SAMSN1: variants seen among roughly 807,000 people sequenced by gnomAD.
The protein encoded by SAMSN1 is SAM domain, SH3 domain and nuclear localization signals 1, also known as SAM domain-containing protein SAMSN-1.
SAMSN1 carries 31 observed loss-of-function variants against 42.0 expected under a neutral mutation model. The ratio of observed to expected loss-of-function variants is 0.74; its 90% confidence interval spans 0.55 to 1.00. The LOEUF is 1.00. Among genes scored for constraint, SAMSN1 ranks in the 50% least tolerant of loss-of-function variants. SAMSN1 has a pLI of 0.00. For synonymous variants in SAMSN1, 178 were observed against 151.9 expected (o/e 1.17, Z -1.26); for missense variants, 464 against 439.4 (o/e 1.06, Z -0.50).
At chr21:14,541,043 A>G (rs1979987139) in intron 1 of SAMSN1, among the ~76,000 whole-genome samples, 1 of 150,490 alleles carries the variant, frequency 6.6e-6, no homozygotes, top group Admixed American at 6.7e-5. Flanking sequence ...GGAAAACCAA[A>G]CACCGCATGT....
chr21:14,547,685 C>T (rs1416860830), upstream of SAMSN1, among the ~76,000 whole-genome samples: 2 of 151,994 alleles, frequency 1.3e-5, no homozygotes, highest in Non-Finnish European at 2.9e-5. Flanking sequence ...CTAAGCTCCA[C>T]CCCAAGGCCC....
chr21:14,594,136 A>G, intron 6 of SAMSN1: 1 of 635,324 alleles, frequency 1.6e-6, no homozygotes, highest in Non-Finnish European at 2.9e-6. Context: ...TAAAAAACAA[A>G]ACAAAAAAAC....
upstream of SAMSN1, among the ~76,000 whole-genome samples, chr21:14,587,974 C>T (rs1295894331): frequency 5.5e-4 from 72 of 131,622 alleles, no homozygotes; most frequent in African/African-American, 1.5e-3. Flanking sequence ...TCAATTCCCA[C>T]CTATGAGTGA....
At position 14,582,058 on chromosome 21, in the gene SAMSN1, C is replaced by A. The variant is rs557311328; in HGVS notation, c.261+78G>T. 3.3e-5 allele frequency: 43 copies of A among 1,306,866 alleles called. No individual in the cohort carries two copies. In the African/African-American group the frequency reaches 5.2e-4, roughly 16 times the overall value. 81.0% of individuals were successfully genotyped at this position (1,306,866 alleles called of 1,614,324 possible). On this transcript the variant is annotated intron_variant, in intron 2 of 8. Transcript: ENST00000285670. The stretch of plus-strand genomic sequence containing the variant: ...GAAACTGATAAATTTCACTGATTAG[C>A]ACTTTTGCTATCTGTTTCTTTCCCG...
At chr21:14,498,629 T>C in intron 6 of SAMSN1, 37 bp from the exon 7 acceptor site, 1 of 1,486,016 alleles carries the variant, frequency 6.7e-7, no homozygotes, top group Non-Finnish European at 9.0e-7. Flanking sequence ...TTAGTCAGAT[T>C]CAAATATTTT....
chr21:14,527,760 T>TAAA (rs71183427), intron 1 of SAMSN1, among the ~76,000 whole-genome samples: 3 of 107,848 alleles, frequency 2.8e-5, no homozygotes, highest in Admixed American at 8.5e-5. Context: ...AAACTAGAAC[T>TAAA]AAAAAAAAAA....
At chr21:14,542,176 C>T (rs1465241564) in intron 1 of SAMSN1, among the ~76,000 whole-genome samples, 1 of 152,182 alleles carries the variant, frequency 6.6e-6, no homozygotes, top group Non-Finnish European at 1.5e-5. Context: ...CATGGTTTCC[C>T]TGATCTCCAT....
At chr21:14,635,822 T>TTTATTATTA (rs368397409) in intron 2 of SAMSN1, among the ~76,000 whole-genome samples, 1,750 of 151,218 alleles carry the variant, frequency 0.012, 25 homozygotes, top group African/African-American at 0.039. Flanking sequence ...AGAGACAGAA[T>TTTATTATTA]TTATTATTAT....
intron 7 of SAMSN1, among the ~76,000 whole-genome samples, chr21:14,495,061 T>C (rs1258693680): frequency 6.6e-6 from 1 of 152,244 alleles, no homozygotes; most frequent in Non-Finnish European, 1.5e-5. Flanking sequence ...ACTGACATCA[T>C]TCAATGATCA....
At chr21:14,626,881 T>A (rs990327827) in intron 2 of SAMSN1, among the ~76,000 whole-genome samples, 1 of 152,166 alleles carries the variant, frequency 6.6e-6, no homozygotes, top group African/African-American at 2.4e-5. Flanking sequence ...CCAACCCAAA[T>A]GTCCATCAAT....
chr21:14,514,573 A>T (rs1461550034), intron 3 of SAMSN1, among the ~76,000 whole-genome samples: 4 of 152,214 alleles, frequency 2.6e-5, no homozygotes, highest in Non-Finnish European at 4.4e-5. Context: ...GTTTATATAT[A>T]CGTGGTAATA....
intron 1 of SAMSN1, among the ~76,000 whole-genome samples, chr21:14,651,598 A>G (rs977982076): frequency 6.6e-6 from 1 of 152,034 alleles, no homozygotes; most frequent in African/African-American, 2.4e-5. Flanking sequence ...TGGGGAAAAG[A>G]TGAAAGCCTT....
chr21:14,628,174 A>G (rs1983232616), intron 2 of SAMSN1, among the ~76,000 whole-genome samples: 1 of 152,194 alleles, frequency 6.6e-6, no homozygotes, highest in African/African-American at 2.4e-5. Context: ...ATTTCATTAA[A>G]GGTTACAAAT....
At chr21:14,580,925 A>T (rs1981687985) in intron 2 of SAMSN1, among the ~76,000 whole-genome samples, 1 of 152,170 alleles carries the variant, frequency 6.6e-6, no homozygotes, top group Non-Finnish European at 1.5e-5. Context: ...GTTATAAAAC[A>T]TGCCTTGAGC....
At chr21:14,544,039 A>T (rs1980220484) in intron 1 of SAMSN1, among the ~76,000 whole-genome samples, 1 of 152,120 alleles carries the variant, frequency 6.6e-6, no homozygotes, top group South Asian at 2.1e-4. Context: ...TTATCACAGC[A>T]TCCACCTCTG....
chr21:14,582,211 C>T lies in SAMSN1; in HGVS notation c.186G>A (p.Trp62Ter). ...GGCGAATACAAGAGGAGCAGTGGTC[C>T]CAGGGTCCAACTTGTGCTATTTGGA... Residue 62 changes from tryptophan (W) to a stop codon, truncating the protein, a stop_gained, in exon 2 of 9, where the codon TGG becomes TGA. Coordinates refer to the SAMSN1 transcript ENST00000285670. LOFTEE classifies it high-confidence loss of function. 4 of 1,550,714 alleles carry T rather than the reference C, an allele frequency of 2.6e-6. No individual in the cohort carries two copies. The highest frequency in any genetic ancestry group is 3.5e-6 in the Non-Finnish European group (4 of 1,146,998).
intron 2 of SAMSN1, among the ~76,000 whole-genome samples, chr21:14,633,309 C>CT (rs768965529): frequency 2.6e-5 from 4 of 152,146 alleles, no homozygotes; most frequent in African/African-American, 4.8e-5. Context: ...AAAATTTTGC[C>CT]TTCTGCACTA....
chr21:14,499,289 G>A (rs1223241526), intron 6 of SAMSN1, among the ~76,000 whole-genome samples: 6 of 152,082 alleles, frequency 3.9e-5, no homozygotes, highest in Non-Finnish European at 8.8e-5. Context: ...CGATTTCAAA[G>A]TCTGTATGTT....
intron 1 of SAMSN1, among the ~76,000 whole-genome samples, chr21:14,647,866 T>C (rs1983748579): frequency 6.6e-6 from 1 of 150,966 alleles, no homozygotes. Context: ...AAGTTGCTTA[T>C]CAGCTTAAGG....
Sources: allele counts gnomAD v4.1 joint callset (sites outside exome capture counted in the v4.1 genomes callset), GRCh38; gene constraint gnomAD v4.1.1; transcripts MANE v1.5; gene names NCBI Gene and HGNC (gene_info 2026-07-23, HGNC 2026-07-21).